Variants in MAML3 observed in about 807,000 individuals in gnomAD.
MAML3 encodes mastermind-like protein 3.
MAML3 carries 27 observed loss-of-function variants against 101.9 expected under a neutral mutation model. The observed-to-expected ratio is 0.27, with a 90% CI of 0.20 to 0.37. The LOEUF (loss-of-function observed/expected upper bound fraction) is 0.37. MAML3 is among the 10% of genes least tolerant of loss of function. The probability of loss-of-function intolerance (pLI) is 1.00; values close to 1 mark genes in which losing one functional copy is unlikely to be tolerated. For synonymous variants in MAML3, 501 were observed against 555.9 expected (o/e 0.90, Z 1.39); for missense variants, 1,316 against 1,444.9 (o/e 0.91, Z 1.45).
chr4:139,988,591 C>A (rs952827229), intron 1 of MAML3, among the ~76,000 whole-genome samples: 5 of 152,108 alleles, frequency 3.3e-5, no homozygotes, highest in Admixed American at 1.3e-4. Context: ...ATTTACAGAT[C>A]ACTTCAGTTC....
intron 1 of MAML3, among the ~76,000 whole-genome samples, chr4:139,956,617 G>A (rs1733921926): frequency 6.6e-6 from 1 of 152,196 alleles, no homozygotes; most frequent in African/African-American, 2.4e-5. Context: ...GAGTGGGAGA[G>A]GGAGGAAGGA....
intron 1 of MAML3, among the ~76,000 whole-genome samples, chr4:140,146,402 AACCCC>A (rs1407289556): frequency 6.6e-6 from 1 of 152,192 alleles, no homozygotes; most frequent in African/African-American, 2.4e-5. Context: ...CACTGAATGG[AACCCC>A]ATGATCTTTA....
intron 2 of MAML3, among the ~76,000 whole-genome samples, chr4:139,878,944 C>T (rs1268927999): frequency 6.6e-6 from 1 of 152,144 alleles, no homozygotes; most frequent in Non-Finnish European, 1.5e-5. Flanking sequence ...TAAGACTGTG[C>T]CCTTAAATCC....
chr4:139,891,414 G>A (rs933126604), intron 1 of MAML3, among the ~76,000 whole-genome samples: 6 of 152,130 alleles, frequency 3.9e-5, no homozygotes, highest in African/African-American at 1.4e-4. Context: ...GAGTAGCTAG[G>A]ATACAGGCAC....
intron 2 of MAML3, among the ~76,000 whole-genome samples, chr4:139,782,267 G>T (rs1486047074): frequency 6.6e-6 from 1 of 152,146 alleles, no homozygotes; most frequent in Non-Finnish European, 1.5e-5. Flanking sequence ...CACTCAAGCA[G>T]TCTTCCTGCC....
At chr4:139,721,512 T>C (rs1728232991) in intron 4 of MAML3, among the ~76,000 whole-genome samples, 1 of 152,222 alleles carries the variant, frequency 6.6e-6, no homozygotes, top group Non-Finnish European at 1.5e-5. Context: ...ATGAGAATAG[T>C]CTAACCTTGT....
intron 2 of MAML3, among the ~76,000 whole-genome samples, chr4:139,798,488 G>A (rs4863689): frequency 0.35 from 53,505 of 152,086 alleles, 9,958 homozygotes; most frequent in East Asian, 0.69. Context: ...GTACCACACT[G>A]GCCCACCTTC....
intron 1 of MAML3, among the ~76,000 whole-genome samples, chr4:140,013,528 A>G (rs1726598626): frequency 6.6e-6 from 1 of 152,220 alleles, no homozygotes; most frequent in South Asian, 2.1e-4. Context: ...TCAAGAAAAA[A>G]TATACACCTA....
chr4:139,851,915 A>G (rs1195795735), intron 2 of MAML3, among the ~76,000 whole-genome samples: 1 of 152,186 alleles, frequency 6.6e-6, no homozygotes, highest in Non-Finnish European at 1.5e-5. Flanking sequence ...AGAGAAGTGA[A>G]AGCCGCTCTT....
chr4:139,945,099 C>T (rs1733699292), intron 1 of MAML3, among the ~76,000 whole-genome samples: 1 of 152,226 alleles, frequency 6.6e-6, no homozygotes, highest in African/African-American at 2.4e-5. Flanking sequence ...ATTCCACCCC[C>T]TAACCCTCCA....
chr4:140,135,208 C>T (rs1728863841), intron 1 of MAML3, among the ~76,000 whole-genome samples: 1 of 152,190 alleles, frequency 6.6e-6, no homozygotes, highest in Non-Finnish European at 1.5e-5. Context: ...AGCAAAAGGC[C>T]TATTTTAACA....
intron 2 of MAML3, among the ~76,000 whole-genome samples, chr4:139,816,020 T>A (rs1578614537): frequency 6.6e-6 from 1 of 152,120 alleles, no homozygotes; most frequent in Non-Finnish European, 1.5e-5. Flanking sequence ...AGCTCCAATA[T>A]AATTCTAAGA....
intron 2 of MAML3, among the ~76,000 whole-genome samples, chr4:139,851,493 A>G (rs539682129): frequency 6.6e-6 from 1 of 152,382 alleles, no homozygotes; most frequent in East Asian, 1.9e-4. Flanking sequence ...AAATTGTCTT[A>G]GAATGTAGAA....
intron 1 of MAML3, among the ~76,000 whole-genome samples, chr4:140,034,562 C>T (rs1726955719): frequency 6.6e-6 from 1 of 152,182 alleles, no homozygotes; most frequent in African/African-American, 2.4e-5. Context: ...GATCACCTCA[C>T]TGAATGTCTA....
chr4:139,957,020 A>C (rs910789231), intron 1 of MAML3, among the ~76,000 whole-genome samples: 18 of 152,188 alleles, frequency 1.2e-4, no homozygotes, highest in Admixed American at 9.8e-4. Context: ...TTTATATCTC[A>C]AGGAACTGAT....
chr4:139,742,909 A>C (rs1729212049), intron 2 of MAML3, among the ~76,000 whole-genome samples: 1 of 152,136 alleles, frequency 6.6e-6, no homozygotes, highest in Non-Finnish European at 1.5e-5. Context: ...TCCCTTCTAA[A>C]AGCATAAATA....
intron 1 of MAML3, among the ~76,000 whole-genome samples, chr4:139,976,824 T>C (rs968479066): frequency 6.6e-6 from 1 of 152,086 alleles, no homozygotes; most frequent in Admixed American, 6.5e-5. Flanking sequence ...TCAACTAGGG[T>C]GATTTTTTTT....
intron 1 of MAML3, among the ~76,000 whole-genome samples, chr4:139,970,953 C>A (rs1734224694): frequency 6.6e-6 from 1 of 152,146 alleles, no homozygotes; most frequent in African/African-American, 2.4e-5. Flanking sequence ...CGCCCATAAT[C>A]ACAGATGAGA....
intron 1 of MAML3, among the ~76,000 whole-genome samples, chr4:140,038,729 C>A (rs550236202): frequency 1.2e-4 from 18 of 152,310 alleles, no homozygotes; most frequent in South Asian, 1.0e-3. Context: ...CTACATAAAA[C>A]ACAGGGAACA....
Sources: allele counts gnomAD v4.1 joint callset (sites outside exome capture counted in the v4.1 genomes callset), GRCh38; gene constraint gnomAD v4.1.1; transcripts MANE v1.5; gene names NCBI Gene and HGNC (gene_info 2026-07-23, HGNC 2026-07-21).